HDAC9: variants seen among roughly 807,000 people sequenced by gnomAD.
HDAC9 encodes histone deacetylase 9.
A neutral mutation model predicts 139.4 loss-of-function variants in HDAC9; 41 were observed. The ratio of observed to expected loss-of-function variants is 0.29; its 90% CI spans 0.23 to 0.38. HDAC9 has a LOEUF of 0.38. HDAC9 is among the 10% of genes least tolerant of loss of function. The pLI is 1.00. For missense variants in HDAC9, 1,147 were observed against 1,297.0 expected (o/e 0.88, Z 1.78); for synonymous variants, 517 against 476.2 (o/e 1.09, Z -1.12).
intron 12 of HDAC9, among the ~76,000 whole-genome samples, chr7:18,698,783 C>G (rs1156848202): frequency 6.6e-6 from 1 of 152,180 alleles, no homozygotes; most frequent in Non-Finnish European, 1.5e-5. Flanking sequence ...AGGGAGGAGG[C>G]AACTCTGATT....
At chr7:18,951,362 A>G (rs1038919548) in intron 23 of HDAC9, among the ~76,000 whole-genome samples, 2 of 152,004 alleles carry the variant, frequency 1.3e-5, no homozygotes, top group African/African-American at 4.8e-5. Context: ...TGTGTAAAGA[A>G]TTGCTATGAG....
rs192698893 is a variant in HDAC9 at position 18,444,482 on chromosome 7, G to A, written c.-41-51780G>A. Among the ~76,000 whole-genome samples, 125 of 151,338 alleles carry A rather than the reference G, an allele frequency of 8.3e-4. 1 individual carries two copies. Among genetic ancestry groups the A allele is most frequent in the African/African-American group, 2.9e-3 (119 of 41,198 alleles). On this transcript the variant is annotated intron_variant, in intron 1 of 3. Transcript: ENST00000413509. ...TAAATAAAAGGGGAAAGGTAGATTA[G>A]TATTTTTTATCCCCCGACCACTGTA...
chr7:18,882,371 G>T (rs748129354), intron 22 of HDAC9, among the ~76,000 whole-genome samples: 7 of 152,086 alleles, frequency 4.6e-5, no homozygotes, highest in Admixed American at 1.3e-4. Flanking sequence ...ATTCAGGGAA[G>T]TCATGGTCTC....
chr7:18,406,566 T>G (rs564910611), intron 1 of HDAC9, among the ~76,000 whole-genome samples: 1 of 152,234 alleles, frequency 6.6e-6, no homozygotes, highest in East Asian at 1.9e-4. Context: ...GCTAATTTTT[T>G]GTATTTTTAG....
At chr7:18,929,523 A>G (rs1214682501) in intron 22 of HDAC9, among the ~76,000 whole-genome samples, 1 of 152,200 alleles carries the variant, frequency 6.6e-6, no homozygotes, top group African/African-American at 2.4e-5. Context: ...GCTGATAGAC[A>G]ATTTTTAAAA....
intron 23 of HDAC9, among the ~76,000 whole-genome samples, chr7:18,944,953 C>T (rs2129317489): frequency 6.6e-6 from 1 of 152,202 alleles, no homozygotes; most frequent in Non-Finnish European, 1.5e-5. Context: ...CTGCTTTTGA[C>T]AGATAAAGGG....
chr7:18,707,710 T>G (rs777682045), intron 12 of HDAC9, among the ~76,000 whole-genome samples: 8 of 152,006 alleles, frequency 5.3e-5, no homozygotes, highest in Non-Finnish European at 1.0e-4. Context: ...TTTTCCTCTT[T>G]GTAAATTAAT....
At chr7:18,810,804 A>G (rs1450900541) in intron 17 of HDAC9, among the ~76,000 whole-genome samples, 1 of 151,868 alleles carries the variant, frequency 6.6e-6, no homozygotes, top group African/African-American at 2.4e-5. Context: ...CTTTCACTTA[A>G]AATGTTTACG....
intron 1 of HDAC9, among the ~76,000 whole-genome samples, chr7:18,458,217 T>G (rs1793520694): frequency 6.6e-6 from 1 of 152,162 alleles, no homozygotes; most frequent in Admixed American, 6.5e-5. Context: ...TTGACCAGAA[T>G]TCACAGGTGA....
chr7:18,785,510 C>T (rs1399810528), intron 16 of HDAC9, among the ~76,000 whole-genome samples: 1 of 151,894 alleles, frequency 6.6e-6, no homozygotes, highest in Non-Finnish European at 1.5e-5. Flanking sequence ...TAATAGCAGA[C>T]AAATCACAAC....
At chr7:18,393,522 T>C (rs1786737418) in intron 1 of HDAC9, among the ~76,000 whole-genome samples, 1 of 152,142 alleles carries the variant, frequency 6.6e-6, no homozygotes. Context: ...ATTAAGTTTT[T>C]AAAAGGATGG....
At chr7:18,609,154 A>G (rs1452988595) in intron 6 of HDAC9, among the ~76,000 whole-genome samples, 1 of 152,158 alleles carries the variant, frequency 6.6e-6, no homozygotes, top group African/African-American at 2.4e-5. Flanking sequence ...AGCTGTACAT[A>G]TGTGGTTCTT....
intron 17 of HDAC9, among the ~76,000 whole-genome samples, chr7:18,796,312 G>A (rs1241761429): frequency 6.6e-6 from 1 of 152,190 alleles, no homozygotes; most frequent in African/African-American, 2.4e-5. Context: ...AATTTTGTTT[G>A]ATGCTGAACT....
At chr7:18,234,093 G>A (rs1304341947) in intron 2 of HDAC9, among the ~76,000 whole-genome samples, 2 of 152,184 alleles carry the variant, frequency 1.3e-5, no homozygotes, top group Non-Finnish European at 2.9e-5. Flanking sequence ...ATGTGTGTTA[G>A]ATTACGTAGT....
At chr7:18,247,424 C>T (rs961428213) in intron 2 of HDAC9, among the ~76,000 whole-genome samples, 2 of 151,784 alleles carry the variant, frequency 1.3e-5, no homozygotes, top group Admixed American at 1.3e-4. Flanking sequence ...TGAAAGTAAA[C>T]CAAGGAGGAG....
intron 11 of HDAC9, among the ~76,000 whole-genome samples, chr7:18,651,802 C>G (rs968207541): frequency 2.0e-5 from 3 of 152,032 alleles, no homozygotes; most frequent in African/African-American, 7.2e-5. Context: ...AGATTATTTG[C>G]CTCTTACAGT....
At chr7:18,603,341 TTTC>T (rs906315736) in intron 6 of HDAC9, among the ~76,000 whole-genome samples, 1 of 152,102 alleles carries the variant, frequency 6.6e-6, no homozygotes, top group Non-Finnish European at 1.5e-5. Flanking sequence ...TTGTAACTGT[TTTC>T]TTCATTATAT....
intron 22 of HDAC9, 45 bp downstream of exon 22, chr7:18,874,641 C>G (rs780993244): frequency 8.9e-7 from 1 of 1,129,476 alleles, no homozygotes; most frequent in Non-Finnish European, 1.3e-6. Flanking sequence ...TGATATCATA[C>G]CATCTTTTAG....
chr7:18,844,259 C>T (rs940672181), intron 21 of HDAC9, among the ~76,000 whole-genome samples: 1 of 152,114 alleles, frequency 6.6e-6, no homozygotes, highest in Non-Finnish European at 1.5e-5. Flanking sequence ...GCACTACTGT[C>T]GTAAAGCCAT....
Sources: allele counts gnomAD v4.1 joint callset (sites outside exome capture counted in the v4.1 genomes callset), GRCh38; gene constraint gnomAD v4.1.1; transcripts MANE v1.5; gene names NCBI Gene and HGNC (gene_info 2026-07-23, HGNC 2026-07-21).